GRK5: variants seen among roughly 807,000 people sequenced by gnomAD.
The protein encoded by GRK5 is g protein-coupled receptor kinase GRK5.
A neutral mutation model predicts 78.4 loss-of-function variants in GRK5; 40 were observed. The ratio of observed to expected loss-of-function variants is 0.51; its 90% CI spans 0.40 to 0.66. The LOEUF (loss-of-function observed/expected upper bound fraction) is 0.66, where lower values mean the gene tolerates loss of function less well. Among genes scored for constraint, GRK5 ranks in the 30% least tolerant of loss-of-function variants. The pLI, the probability that GRK5 is intolerant of heterozygous loss-of-function variation, is 0.00. For synonymous variants in GRK5, 289 were observed against 296.8 expected (o/e 0.97, Z 0.27); for missense variants, 598 against 759.9 (o/e 0.79, Z 2.50).
At chr10:119,394,530 T>G (rs866568823) in intron 3 of GRK5, among the ~76,000 whole-genome samples, 1 of 2,662 alleles carries the variant, frequency 3.8e-4, no homozygotes, top group Non-Finnish European at 9.7e-4. Flanking sequence ...TGTGTGTGGG[T>G]GTGTATCTGT....
chr10:119,349,195 G>A (rs1259140541), intron 2 of GRK5, among the ~76,000 whole-genome samples: 4 of 152,206 alleles, frequency 2.6e-5, no homozygotes, highest in African/African-American at 9.6e-5. Flanking sequence ...TGGTCAGCAT[G>A]GGAGGGAGGC....
chr10:119,307,958 G>C (rs576714576), intron 1 of GRK5, among the ~76,000 whole-genome samples: 68 of 152,128 alleles, frequency 4.5e-4, no homozygotes, highest in Non-Finnish European at 8.4e-4. Context: ...GGAGAGGACA[G>C]AGGGAAAGGG....
intron 12 of GRK5, among the ~76,000 whole-genome samples, 162 bp from the exon 13 acceptor site, chr10:119,447,961 C>G (rs574559009): frequency 6.6e-6 from 1 of 152,336 alleles, no homozygotes; most frequent in South Asian, 2.1e-4. Context: ...TGTGTGAGCA[C>G]AGATGCACGC....
At chr10:119,302,137 A>C (rs1352595421) in intron 1 of GRK5, among the ~76,000 whole-genome samples, 1 of 152,222 alleles carries the variant, frequency 6.6e-6, no homozygotes, top group African/African-American at 2.4e-5. Flanking sequence ...ACAGAAATCC[A>C]CATTCCTTTA....
intron 2 of GRK5, among the ~76,000 whole-genome samples, chr10:119,370,831 T>A (rs551309326): frequency 2.2e-4 from 34 of 152,246 alleles, no homozygotes; most frequent in Admixed American, 5.2e-4. Flanking sequence ...TGCATTAGGA[T>A]CTATCAGGGA....
At chr10:119,335,143 TC>T in intron 2 of GRK5, among the ~76,000 whole-genome samples, 1 of 130,504 alleles carries the variant, frequency 7.7e-6, no homozygotes. Context: ...TCTCTCTCTC[TC>T]TCTCTCTCTC....
intron 2 of GRK5, among the ~76,000 whole-genome samples, chr10:119,367,494 T>C (rs1186791596): frequency 1.3e-5 from 2 of 152,208 alleles, no homozygotes; most frequent in African/African-American, 4.8e-5. Context: ...TTAAACCCAC[T>C]GCGCCCTGTT....
chr10:119,358,093 C>T (rs928936147), intron 2 of GRK5, among the ~76,000 whole-genome samples: 27 of 152,170 alleles, frequency 1.8e-4, no homozygotes, highest in Non-Finnish European at 3.7e-4. Context: ...TCTAAGGCCC[C>T]GGCTGGTTTC....
chr10:119,330,019 C>A (rs138911116), intron 2 of GRK5, among the ~76,000 whole-genome samples: 36,167 of 151,490 alleles, frequency 0.24, 5,157 homozygotes, highest in East Asian at 0.51. Context: ...CCTGCCATCA[C>A]GCCCAGCTAA....
At chr10:119,441,919 G>C (rs1853044093) in intron 10 of GRK5, 80 bp from the exon 11 acceptor site, 15 of 1,090,552 alleles carry the variant, frequency 1.4e-5, no homozygotes, top group Non-Finnish European at 1.6e-5. Context: ...GAGCTCGTAT[G>C]CCTTGCCCAA....
rs897690330 is a variant in GRK5, at chr10:119,378,679, C to T, written c.149-2136C>T. 2.0e-5 allele frequency among the ~76,000 whole-genome samples: 3 copies of T among 152,208 alleles called. No individual in the cohort carries two copies. The highest frequency in any genetic ancestry group is 2.9e-5 in the Non-Finnish European group (2 of 68,046). On this transcript the variant is annotated intron_variant, in intron 2 of 15. Coordinates refer to ENST00000392870, the MANE Select transcript of GRK5 (RefSeq NM_005308.3). This position sits in a 1 kb window ranked among gnomAD's most constrained non-coding sequence, Gnocchi z 4.5. ...TCCGCTTGTGTGCGGGCTGCGCCTC[C>T]GTGGGCTCTCGCTGCGTGGGGGGAA...
chr10:119,421,686 A>G (rs991612555), intron 4 of GRK5, among the ~76,000 whole-genome samples: 2 of 152,240 alleles, frequency 1.3e-5, no homozygotes, highest in African/African-American at 4.8e-5. Context: ...CTTGGCCTGC[A>G]CTTGGGTAAG....
At chr10:119,295,144 C>T (rs534060988) in intron 1 of GRK5, among the ~76,000 whole-genome samples, 15 of 143,450 alleles carry the variant, frequency 1.0e-4, no homozygotes, top group East Asian at 6.1e-4. Flanking sequence ...GAGCCGAGAT[C>T]GCACCACCGC....
intron 4 of GRK5, among the ~76,000 whole-genome samples, chr10:119,400,013 A>G (rs184770415): frequency 1.4e-4 from 22 of 152,308 alleles, no homozygotes; most frequent in African/African-American, 5.3e-4. Flanking sequence ...TATTGAGGAC[A>G]CTTGTGTCAG....
intron 2 of GRK5, among the ~76,000 whole-genome samples, chr10:119,367,504 T>C (rs1162302798): frequency 6.6e-6 from 1 of 152,234 alleles, no homozygotes; most frequent in East Asian, 1.9e-4. Context: ...TGCGCCCTGT[T>C]CTTGGGCAGA....
At position 119,267,187 on chromosome 10, in the gene GRK5, G is replaced by C. The variant is rs1056332921; in HGVS notation, c.52+59218G>C. On this transcript the variant is annotated intron_variant, in intron 1 of 15. Transcript: ENST00000392870. This position sits in a 1 kb window ranked among gnomAD's most constrained non-coding sequence, Gnocchi z 4.1. ...GAACCTGCGAGGCGGAGGTTGCAGC[G>C]AGCCGAGATCACACCATTGCACTCC... 6.6e-6 allele frequency among the ~76,000 whole-genome samples: 1 copy of C among 151,022 alleles called. No individual in the cohort carries two copies. Among genetic ancestry groups the C allele is most frequent in the Non-Finnish European group, 1.5e-5 (1 of 67,764 alleles).
intron 1 of GRK5, among the ~76,000 whole-genome samples, chr10:119,213,700 G>A (rs541975174): frequency 7.2e-5 from 11 of 152,220 alleles, no homozygotes; most frequent in African/African-American, 2.4e-4. Flanking sequence ...ACTGGAAGAA[G>A]CATTTCATTT....
In GRK5 at chr10:119,253,603, TC is replaced by T. The variant is rs1849236081; in HGVS notation, c.52+45635del. Among the ~76,000 whole-genome samples, 1 of 152,174 alleles carries T rather than the reference TC, an allele frequency of 6.6e-6. No individual in the cohort carries two copies. Among genetic ancestry groups the T allele is most frequent in the Non-Finnish European group, 1.5e-5 (1 of 68,040 alleles). ...GGCTTCAGCCCGGCGCACACCCAGC[TC>T]GTTTGGAGGTCACGGCTCACCATAA... On this transcript the variant is annotated intron_variant, in intron 1 of 15. Coordinates refer to ENST00000392870, the MANE Select transcript of GRK5 (RefSeq NM_005308.3). This position sits in a 1 kb window ranked among gnomAD's most constrained non-coding sequence, Gnocchi z 5.7.
At chr10:119,286,335 T>G (rs1849845878) in intron 1 of GRK5, among the ~76,000 whole-genome samples, 1 of 152,264 alleles carries the variant, frequency 6.6e-6, no homozygotes, top group African/African-American at 2.4e-5. Context: ...AAGTAAAATC[T>G]TCACTGCACA....
Sources: gnomAD v4.1 joint callset for allele counts (sites outside exome capture counted in the v4.1 genomes callset) on GRCh38, gnomAD v4.1.1 for gene constraint, Gnocchi (gnomAD v3.1) non-coding constraint, MANE v1.5 for transcripts, NCBI Gene and HGNC (gene_info 2026-07-23, HGNC 2026-07-21) for gene names.